STRBP: variants seen among roughly 807,000 people sequenced by gnomAD.
The protein encoded by STRBP is spermatid perinuclear RNA binding protein.
Under a neutral mutation model 80.1 loss-of-function variants are expected in STRBP, and 13 were observed. That is an observed-to-expected ratio of 0.16 (90% CI 0.11 to 0.26). The LOEUF (loss-of-function observed/expected upper bound fraction) is 0.26, where lower values mean the gene tolerates loss of function less well. Ranked by LOEUF, STRBP falls within the 10% of genes least tolerant of loss-of-function variation. The pLI is 1.00. For synonymous variants in STRBP, 284 were observed against 291.2 expected (o/e 0.98, Z 0.25); for missense variants, 485 against 815.2 (o/e 0.59, Z 4.93).
chr9:123,161,716 G>A (rs1426393819), intron 6 of STRBP, among the ~76,000 whole-genome samples: 1 of 152,118 alleles, frequency 6.6e-6, no homozygotes, highest in Non-Finnish European at 1.5e-5. Flanking sequence ...TACATTTCAA[G>A]TTTTACATGC....
chr9:123,220,387 T>C (rs1020038795), intron 2 of STRBP, among the ~76,000 whole-genome samples: 1 of 152,196 alleles, frequency 6.6e-6, no homozygotes, highest in African/African-American at 2.4e-5. Context: ...TTCTACCAAA[T>C]ACGGTTGTAG....
chr9:123,247,839 A>G (rs2040829811), intron 1 of STRBP, among the ~76,000 whole-genome samples: 1 of 152,250 alleles, frequency 6.6e-6, no homozygotes, highest in Non-Finnish European at 1.5e-5. Flanking sequence ...TGTAACTAAA[A>G]TATATCTTAA....
intron 11 of STRBP, among the ~76,000 whole-genome samples, chr9:123,155,436 G>GA (rs2037240936): frequency 6.6e-6 from 1 of 152,132 alleles, no homozygotes; most frequent in South Asian, 2.1e-4. Flanking sequence ...AAGGTAGAGA[G>GA]ATGGATTTCA....
chr9:123,196,012 T>C (rs925089486), intron 2 of STRBP, among the ~76,000 whole-genome samples: 3 of 151,808 alleles, frequency 2.0e-5, no homozygotes, highest in African/African-American at 7.3e-5. Context: ...CACATGCTGA[T>C]ATAAAAACAG....
At chr9:123,242,378 GC>G (rs2040713317) in intron 1 of STRBP, among the ~76,000 whole-genome samples, 1 of 152,156 alleles carries the variant, frequency 6.6e-6, no homozygotes, top group South Asian at 2.1e-4. Flanking sequence ...TAAATGAATA[GC>G]CAGGCACGGT....
chr9:123,135,622 G>GC (rs1367399774), intron 16 of STRBP, among the ~76,000 whole-genome samples: 3 of 152,090 alleles, frequency 2.0e-5, no homozygotes, highest in Non-Finnish European at 4.4e-5. Flanking sequence ...AATAAACAAT[G>GC]CAAAAGCACG....
chr9:123,191,356 T>C (rs1316067361), intron 2 of STRBP, among the ~76,000 whole-genome samples: 1 of 151,840 alleles, frequency 6.6e-6, no homozygotes, highest in Non-Finnish European at 1.5e-5. Context: ...CGTGCCTGCG[T>C]TCAGTGGAAG....
intron 7 of STRBP, 66 bp from the exon 8 acceptor site, chr9:123,160,528 T>A: frequency 8.0e-7 from 1 of 1,247,368 alleles, no homozygotes; most frequent in Non-Finnish European, 1.1e-6. Context: ...GGCAAGTTCT[T>A]TCAAGTGAAT....
chr9:123,167,671 AT>A (rs1375528042), intron 6 of STRBP, among the ~76,000 whole-genome samples: 3 of 152,080 alleles, frequency 2.0e-5, no homozygotes, highest in Non-Finnish European at 4.4e-5. Flanking sequence ...AGGAAGTAAG[AT>A]GTGTAAAACA....
At chr9:123,165,109 C>T (rs940315431) in intron 6 of STRBP, among the ~76,000 whole-genome samples, 5 of 151,886 alleles carry the variant, frequency 3.3e-5, no homozygotes, top group Non-Finnish European at 7.4e-5. Flanking sequence ...GGTGAAACCC[C>T]GTCTCTACTG....
At chr9:123,188,766 T>C (rs909319514) in intron 2 of STRBP, among the ~76,000 whole-genome samples, 8 of 152,202 alleles carry the variant, frequency 5.3e-5, no homozygotes, top group African/African-American at 1.9e-4. Context: ...AAATACTTTC[T>C]TTAAAAATCC....
chr9:123,198,291 A>G (rs1221994467), intron 2 of STRBP, among the ~76,000 whole-genome samples: 1 of 151,924 alleles, frequency 6.6e-6, no homozygotes, highest in Non-Finnish European at 1.5e-5. Flanking sequence ...ACCCGCCATC[A>G]TGCCAGGCTA....
rs115464875 is a variant in STRBP, at chr9:123,153,793, T to C, written c.1045+4219A>G. Reference sequence around the variant, plus strand: ...GGATGGAAGTATTAATTTGGGACAATCTTCAGTATAAAAAGGTATTTGAAG... The same window carrying C: ...GGATGGAAGTATTAATTTGGGACAACCTTCAGTATAAAAAGGTATTTGAAG... On this transcript the variant is annotated intron_variant, in intron 11 of 18. Transcript: ENST00000348403. Among the ~76,000 whole-genome samples the C allele has an allele frequency of 3.9e-5, 6 of 152,116 alleles. No homozygotes were observed. In the South Asian group the frequency reaches 1.2e-3, roughly 32 times the overall value.
At chr9:123,171,822 T>G (rs1214526908) in intron 5 of STRBP, among the ~76,000 whole-genome samples, 1 of 152,252 alleles carries the variant, frequency 6.6e-6, no homozygotes, top group African/African-American at 2.4e-5. Flanking sequence ...ATATCTTTTT[T>G]AGTTTCTTTA....
At chr9:123,145,552 A>C (rs956180052) in intron 13 of STRBP, among the ~76,000 whole-genome samples, 9 of 151,992 alleles carry the variant, frequency 5.9e-5, no homozygotes, top group Non-Finnish European at 8.8e-5. Flanking sequence ...GTGAAGATCT[A>C]CCCAAGGAGA....
chr9:123,146,361 A>G (rs747117313), intron 13 of STRBP, among the ~76,000 whole-genome samples: 8 of 152,064 alleles, frequency 5.3e-5, no homozygotes, highest in Non-Finnish European at 1.0e-4. Flanking sequence ...ATCTGGAATA[A>G]GCAAAATATC....
chr9:123,260,330 A>C (rs1252141150), intron 1 of STRBP, among the ~76,000 whole-genome samples: 1 of 152,228 alleles, frequency 6.6e-6, no homozygotes, highest in Non-Finnish European at 1.5e-5. Flanking sequence ...TAAAGAAGGG[A>C]GGAAAGCAGC....
intron 2 of STRBP, among the ~76,000 whole-genome samples, chr9:123,222,362 C>G (rs2040094274): frequency 6.6e-6 from 1 of 152,090 alleles, no homozygotes; most frequent in African/African-American, 2.4e-5. Context: ...TCTGGTCCCA[C>G]ACCTGGAATC....
At position 123,159,161 on chromosome 9, in the gene STRBP, G is replaced by A. The variant is rs1359970177; in HGVS notation, c.770C>T (p.Pro257Leu). ...TCTCAAGGCCTCCCCAGCGCCCAAA[G>A]GTCTATTACAAGTACCTATAGACTT... ...CEKSIGTCNR[P>L]LGAGEALRRV... is the part of the protein sequence containing the mutation. Residue 257 changes from proline (P) to leucine (L), a missense_variant, in exon 9 of 19, where the codon CCT becomes CTT. By Grantham distance (98) the Pro-to-Leu change is moderately conservative (BLOSUM62 -3). Coordinates refer to ENST00000348403, the MANE Select transcript of STRBP (RefSeq NM_018387.5). 8 of 1,613,524 alleles carry A rather than the reference G, an allele frequency of 5.0e-6. No homozygotes were observed. The highest frequency in any genetic ancestry group is 6.8e-6 in the Non-Finnish European group (8 of 1,179,598).
Sources: gnomAD v4.1 joint callset for allele counts (sites outside exome capture counted in the v4.1 genomes callset) on GRCh38, gnomAD v4.1.1 for gene constraint, MANE v1.5 for transcripts, NCBI Gene and HGNC (gene_info 2026-07-23, HGNC 2026-07-21) for gene names.